Variants in CA12 observed in about 807,000 individuals in gnomAD.
CA12 encodes the protein carbonic anhydrase 12.
A neutral mutation model predicts 46.8 loss-of-function variants in CA12; 36 were observed. The observed-to-expected ratio is 0.77, with a 90% CI of 0.59 to 1.02. CA12 has a LOEUF of 1.02. Among genes scored for constraint, CA12 ranks in the 50% least tolerant of loss-of-function variants. The pLI, the probability that CA12 is intolerant of heterozygous loss-of-function variation, is 0.00. For synonymous variants in CA12, 202 were observed against 187.0 expected (o/e 1.08, Z -0.65); for missense variants, 436 against 451.4 (o/e 0.97, Z 0.31).
At chr15:63,342,242 C>T in intron 4 of CA12, 145 bp from the exon 5 acceptor site, 1 of 677,220 alleles carries the variant, frequency 1.5e-6, no homozygotes, top group Non-Finnish European at 2.7e-6. Flanking sequence ...AGACCCTCCC[C>T]TTATTTTGCC....
At chr15:63,380,720 G>A (rs916785000) in intron 1 of CA12, among the ~76,000 whole-genome samples, 4 of 152,152 alleles carry the variant, frequency 2.6e-5, no homozygotes, top group Admixed American at 6.5e-5. Flanking sequence ...TCCAAGAGAG[G>A]AGGCTCAGAG....
rs1015800616 is a variant in CA12 at position 63,355,486 on chromosome 15, G to C, written c.107-8777C>G. On this transcript the variant is annotated intron_variant, in intron 2 of 10. Coordinates refer to ENST00000178638, the MANE Select transcript of CA12 (RefSeq NM_001218.5). This position sits in a 1 kb window ranked among gnomAD's most constrained non-coding sequence, Gnocchi z 4.1. ...CAGGCCTACCGAACCGGACACTCTGGGGGTGGCGCCCAGCATCTGCCGTTG... is the reference window on the plus strand; with the variant it reads ...CAGGCCTACCGAACCGGACACTCTGCGGGTGGCGCCCAGCATCTGCCGTTG... 1.3e-5 allele frequency among the ~76,000 whole-genome samples: 2 copies of C among 152,202 alleles called. No homozygotes were observed. Among genetic ancestry groups the C allele is most frequent in the Non-Finnish European group, 2.9e-5 (2 of 68,032 alleles).
rs1388416681 is a variant in CA12, at chr15:63,342,108, G to C, written c.430-11C>G. The C allele has an allele frequency of 1.3e-6, 2 of 1,589,404 alleles. No individual in the cohort carries two copies. The highest frequency in any genetic ancestry group is 4.5e-5 in the East Asian group (2 of 44,742). ...ATGGACAATGTGCAGCTGCAGTGGG[G>C]GAGAAGCCACCCATTAGGAGATAAG... On this transcript the variant is annotated splice_polypyrimidine_tract_variant and intron_variant, in intron 4 of 10. Transcript: ENST00000178638.
At position 63,340,659 on chromosome 15, in the gene CA12, A is replaced by G. The variant is rs2039066501; in HGVS notation, c.589+61T>C. 3.2e-6 allele frequency: 5 copies of G among 1,558,060 alleles called. No homozygotes were observed. In the Admixed American group the frequency reaches 8.3e-5, roughly 26 times the overall value. On this transcript the variant is annotated intron_variant, in intron 6 of 10. Transcript: ENST00000178638. The surrounding 1 kb of genome is among the most constrained non-coding windows in gnomAD (Gnocchi z 4.4). ...CCTTGTGTTTGCTTTTCTTAAAGTC[A>G]CACAGGGCTGACTACCTCCTTCTCC...
intron 2 of CA12, among the ~76,000 whole-genome samples, chr15:63,369,390 G>C (rs2039473135): frequency 6.6e-6 from 1 of 152,198 alleles, no homozygotes; most frequent in Admixed American, 6.5e-5. Flanking sequence ...AGAAACTACA[G>C]TTAGCTTTGT....
chr15:63,346,242 T>A (rs182048847), intron 3 of CA12, among the ~76,000 whole-genome samples: 122 of 152,246 alleles, frequency 8.0e-4, no homozygotes, highest in African/African-American at 2.7e-3. Context: ...CAGAATTCAC[T>A]CCAGCTGCAC....
Position 63,328,138 on chromosome 15 carries a change from G to C in CA12, c.875-8C>G, listed in dbSNP as rs771015403. 1 of 1,613,794 alleles carries C rather than the reference G, an allele frequency of 6.2e-7. No individual in the cohort carries two copies. The highest frequency in any genetic ancestry group is 2.2e-5 in the East Asian group (1 of 44,870). ...CCGCAGTACAGACTTGCACTTAAAA[G>C]GGGAGAGGAAAAGACGAGGTTACTC... On this transcript the variant is annotated splice_polypyrimidine_tract_variant and splice_region_variant and intron_variant, in intron 8 of 10. Coordinates refer to ENST00000178638, the MANE Select transcript of CA12 (RefSeq NM_001218.5). This position sits in a 1 kb window ranked among gnomAD's most constrained non-coding sequence, Gnocchi z 5.9.
Position 63,328,206 on chromosome 15 carries a change from G to T in CA12, c.875-76C>A. ...GGATTTGAGCAGCGTGTTGAGAGAC[G>T]CTCTACCATTTGTTTGGTCTTAGGC... On this transcript the variant is annotated intron_variant, in intron 8 of 10. Transcript: ENST00000178638. This position sits in a 1 kb window ranked among gnomAD's most constrained non-coding sequence, Gnocchi z 5.9. 2 of 1,346,402 alleles carry T rather than the reference G, an allele frequency of 1.5e-6. No homozygotes were observed. Among genetic ancestry groups the T allele is most frequent in the Non-Finnish European group, 2.1e-6 (2 of 938,600 alleles). 83.4% of individuals were successfully genotyped at this position (1,346,402 alleles called of 1,614,324 possible). A position where few individuals can be genotyped will look rare whatever the true frequency, so the allele number is the denominator to read the frequency against.
In CA12 at chr15:63,345,734, G is replaced by C; in HGVS notation, c.287-115C>G. Reference sequence around the variant, plus strand: ...GCTGCCACCCCCTGGAGCCCAGAGAGAGGCAGGTGGATGGAGTGAGGTGCG... The same window carrying C: ...GCTGCCACCCCCTGGAGCCCAGAGACAGGCAGGTGGATGGAGTGAGGTGCG... On this transcript the variant is annotated intron_variant, in intron 3 of 10. Coordinates refer to ENST00000178638, the MANE Select transcript of CA12 (RefSeq NM_001218.5). The surrounding 1 kb of genome is among the most constrained non-coding windows in gnomAD (Gnocchi z 4.3). The C allele has an allele frequency of 7.4e-7, 1 of 1,350,152 alleles. No homozygotes were observed. Among genetic ancestry groups the C allele is most frequent in the Non-Finnish European group, 1.0e-6 (1 of 978,288 alleles). 83.6% of individuals were successfully genotyped at this position (1,350,152 alleles called of 1,614,324 possible). A position where few individuals can be genotyped will look rare whatever the true frequency, so the allele number is the denominator to read the frequency against.
chr15:63,369,767 G>A (rs2039479459), intron 2 of CA12, among the ~76,000 whole-genome samples: 1 of 152,152 alleles, frequency 6.6e-6, no homozygotes, highest in African/African-American at 2.4e-5. Context: ...TTTCCATGGA[G>A]GTCGCCTGGT....
intron 2 of CA12, among the ~76,000 whole-genome samples, chr15:63,349,542 A>G (rs1009149275): frequency 6.6e-6 from 1 of 152,034 alleles, no homozygotes; most frequent in Non-Finnish European, 1.5e-5. Context: ...CCTCCTCCTC[A>G]TTGTTATTAT....
In CA12 at chr15:63,345,653, C is replaced by A. The variant is rs754689732; in HGVS notation, c.287-34G>T. The A allele has an allele frequency of 6.2e-7, 1 of 1,601,504 alleles. No individual in the cohort carries two copies. The highest frequency in any genetic ancestry group is 2.2e-5 in the East Asian group (1 of 44,524). Reference sequence around the variant, plus strand: ...AGTGGAGGAGCAGCCTTCAGAGCCCCGGCCAGCTGTGCACTGCCAGAGAGC... The same window carrying A: ...AGTGGAGGAGCAGCCTTCAGAGCCCAGGCCAGCTGTGCACTGCCAGAGAGC... On this transcript the variant is annotated intron_variant, in intron 3 of 10. Coordinates refer to ENST00000178638, the MANE Select transcript of CA12 (RefSeq NM_001218.5). This position sits in a 1 kb window ranked among gnomAD's most constrained non-coding sequence, Gnocchi z 4.3.
At chr15:63,333,609 T>C (rs1028529336) in intron 8 of CA12, among the ~76,000 whole-genome samples, 6 of 152,214 alleles carry the variant, frequency 3.9e-5, no homozygotes, top group African/African-American at 9.6e-5. Flanking sequence ...ATGGAAACTT[T>C]AAGAAATACA....
Position 63,345,359 on chromosome 15 carries a change from A to T in CA12, c.429+118T>A. On this transcript the variant is annotated intron_variant, in intron 4 of 10. Coordinates refer to ENST00000178638, the MANE Select transcript of CA12 (RefSeq NM_001218.5). This position sits in a 1 kb window ranked among gnomAD's most constrained non-coding sequence, Gnocchi z 4.3. ...CTTGTGCCAGGGCCAGAGGTGGGGC[A>T]GAGAGCCTGAAGGCAGCCTGTCCCA... The T allele has an allele frequency of 7.5e-7, 1 of 1,329,582 alleles. No individual in the cohort carries two copies. The highest frequency in any genetic ancestry group is 1.0e-6 in the Non-Finnish European group (1 of 956,832). 82.4% of individuals were successfully genotyped at this position (1,329,582 alleles called of 1,614,324 possible). A position where few individuals can be genotyped will look rare whatever the true frequency, so the allele number is the denominator to read the frequency against.
chr15:63,342,534 G>A (rs768223627), intron 4 of CA12, among the ~76,000 whole-genome samples: 2 of 152,206 alleles, frequency 1.3e-5, no homozygotes, highest in Non-Finnish European at 2.9e-5. Context: ...GCAGGCTTCA[G>A]AGAGAATAGA....
chr15:63,354,985 G>T (rs982474162), intron 2 of CA12, among the ~76,000 whole-genome samples: 1 of 152,172 alleles, frequency 6.6e-6, no homozygotes, highest in Non-Finnish European at 1.5e-5. Flanking sequence ...TGGAGATGAG[G>T]TTTATTACAG....
At chr15:63,349,731 G>A (rs1002681536) in intron 2 of CA12, among the ~76,000 whole-genome samples, 2 of 152,096 alleles carry the variant, frequency 1.3e-5, no homozygotes, top group Admixed American at 1.3e-4. Context: ...ATTTATCCAG[G>A]AGATTTTGTG....
chr15:63,372,792 T>C lies in CA12; in HGVS notation c.106+2866A>G, dbSNP rs759523941. Among the ~76,000 whole-genome samples the C allele has an allele frequency of 3.2e-4, 48 of 152,298 alleles. No homozygotes were observed. Among genetic ancestry groups the C allele is most frequent in the Admixed American group, 1.1e-3 (17 of 15,298 alleles). On this transcript the variant is annotated intron_variant, in intron 2 of 10. Transcript: ENST00000178638. The surrounding 1 kb of genome is among the most constrained non-coding windows in gnomAD (Gnocchi z 4.5). ...CCTTAGCTGTCTTCCATCTGTCCTC[T>C]CCTGCACGTCCCCTCTGAGGGCTGA...
At chr15:63,362,009 A>G (rs1354946610) in intron 2 of CA12, among the ~76,000 whole-genome samples, 1 of 152,198 alleles carries the variant, frequency 6.6e-6, no homozygotes. Context: ...ATCATTCTAT[A>G]TCAGGGGTTG....
Sources: allele counts gnomAD v4.1 joint callset (sites outside exome capture counted in the v4.1 genomes callset), GRCh38; gene constraint gnomAD v4.1.1; non-coding constraint Gnocchi (gnomAD v3.1); transcripts MANE v1.5; gene names NCBI Gene and HGNC (gene_info 2026-07-23, HGNC 2026-07-21).